Variants in MPZ observed in about 807,000 individuals in gnomAD.
MPZ encodes myelin protein zero.
In MPZ, 13 loss-of-function variants were observed where a neutral mutation model predicts 27.9. That is an observed-to-expected ratio of 0.47 (90% CI 0.30 to 0.74). The LOEUF (loss-of-function observed/expected upper bound fraction) is 0.74, where lower values mean the gene tolerates loss of function less well. Among genes scored for constraint, MPZ ranks in the 30% least tolerant of loss-of-function variants. The probability of loss-of-function intolerance (pLI) is 0.06; values close to 1 mark genes in which losing one functional copy is unlikely to be tolerated. For missense variants in MPZ, 256 were observed against 317.5 expected (o/e 0.81, Z 1.47); for synonymous variants, 118 against 128.9 (o/e 0.92, Z 0.57).
chr1:161,304,479 A>T (rs1318182593), downstream of MPZ, among the ~76,000 whole-genome samples: 1 of 152,226 alleles, frequency 6.6e-6, no homozygotes, highest in Non-Finnish European at 1.5e-5. Flanking sequence ...GATCTTGGTG[A>T]AGACAGATTC....
intron 3 of MPZ, 68 bp downstream of exon 3, chr1:161,306,640 A>G (rs779472159): frequency 6.3e-6 from 10 of 1,575,156 alleles, no homozygotes; most frequent in Non-Finnish European, 8.7e-6. Context: ...TCTTCCCCCA[A>G]CCTATCAGTC....
At position 161,306,141 on chromosome 1, in the gene MPZ, C is replaced by G. The variant is rs1670234637; in HGVS notation, c.612G>C (p.Lys204Asn). ...CGCGCTTCGACGCGTCCTTTCCTGG[C>G]TTGTGCAATTTCCCCTTCTCCATAG... ...LSAMEKGKLH[K>N]PGKDASKRGR... Residue 204 changes from lysine (K) to asparagine (N), a missense_variant, in exon 5 of 6, where the codon AAG (lysine) becomes AAC (asparagine). By Grantham distance (94) the Lys-to-Asn change is moderately conservative. Around this residue, in one of 2 missense-constraint regions of MPZ, gnomAD observed 101 missense variants for 93.6 expected, o/e 1.08. Coordinates refer to ENST00000533357, the MANE Select transcript of MPZ (RefSeq NM_000530.8). 6.2e-7 allele frequency: 1 copy of G among 1,614,246 alleles called. No individual in the cohort carries two copies. The highest frequency in any genetic ancestry group is 8.5e-7 in the Non-Finnish European group (1 of 1,180,048).
At position 161,305,484 on chromosome 1, in the gene MPZ, T is replaced by A; in HGVS notation, c.*392A>T. ...GGGGCAGGTGAGGGGTAGGATTAGC[T>A]CCTGGGCTCCCAGAAAGCCAGGGGT... On this transcript the variant is annotated 3_prime_UTR_variant, in exon 6 of 6. Coordinates refer to ENST00000533357, the MANE Select transcript of MPZ (RefSeq NM_000530.8). The A allele has an allele frequency of 4.3e-6, 1 of 231,848 alleles. No homozygotes were observed. Among genetic ancestry groups the A allele is most frequent in the Non-Finnish European group, 8.6e-6 (1 of 115,720 alleles). The allele number at this position is 231,848 out of a possible 1,614,324, so 14.4% of individuals were successfully genotyped here.
chr1:161,307,018 A>AAAAAAAAC, intron 2 of MPZ, 97 bp from the exon 3 acceptor site: 1 of 690,742 alleles, frequency 1.4e-6, no homozygotes, highest in East Asian at 3.2e-5. Flanking sequence ...AAAAAGCAAA[A>AAAAAAAAC]AAAAAAAAAA....
In MPZ at chr1:161,305,750, C is replaced by G. The variant is rs1003036138; in HGVS notation, c.*126G>C. The G allele has an allele frequency of 2.9e-6, 2 of 696,392 alleles. No homozygotes were observed. Among genetic ancestry groups the G allele is most frequent in the African/African-American group, 3.6e-5 (2 of 55,628 alleles). 43.1% of individuals were successfully genotyped at this position (696,392 alleles called of 1,614,324 possible). On this transcript the variant is annotated 3_prime_UTR_variant, in exon 6 of 6. Transcript: ENST00000533357. ...TTTTGAGGCTGGTTCTGCTGGGGGA[C>G]TTGACAGCAGGCCGGAGCTCCGGGC...
chr1:161,306,595 G>A, intron 3 of MPZ, 113 bp downstream of exon 3: 3 of 1,541,852 alleles, frequency 1.9e-6, no homozygotes, highest in South Asian at 1.1e-5. Flanking sequence ...CGCTCCCAGA[G>A]CCTGAATAAA....
At chr1:161,307,163 A>G (rs1670279899) in intron 2 of MPZ, 95 bp downstream of exon 2, 3 of 1,521,964 alleles carry the variant, frequency 2.0e-6, no homozygotes, top group East Asian at 2.4e-5. Flanking sequence ...TTATGGCTCA[A>G]AAAGGATTTC....
intron 5 of MPZ, 25 bp from the exon 6 acceptor site, chr1:161,306,002 T>C: frequency 6.2e-7 from 1 of 1,611,262 alleles, no homozygotes; most frequent in Non-Finnish European, 8.5e-7. Context: ...CACACATCAG[T>C]CACCGAGCGA....
intron 1 of MPZ, 97 bp from the exon 2 acceptor site, chr1:161,307,521 T>A (rs539232176): frequency 7.1e-7 from 1 of 1,401,144 alleles, no homozygotes; most frequent in African/African-American, 1.4e-5. Context: ...GAGTCACAGG[T>A]CAGAGGCCAA....
At position 161,307,579 on chromosome 1, in the gene MPZ, A is replaced by G. The variant is rs1670294899; in HGVS notation, c.68-155T>C. On this transcript the variant is annotated intron_variant, in intron 1 of 5. Transcript: ENST00000533357. ...CTGAGCCCCAAGTCTCTGGGGACTA[A>G]CTGAACAGATGAGCATAAATGCTGT... 4 of 723,880 alleles carry G rather than the reference A, an allele frequency of 5.5e-6. No individual in the cohort carries two copies. In the South Asian group the frequency reaches 6.8e-5, roughly 12 times the overall value. The allele number at this position is 723,880 out of a possible 1,614,324, so 44.8% of individuals were successfully genotyped here. A position where few individuals can be genotyped will look rare whatever the true frequency, so the allele number is the denominator to read the frequency against.
chr1:161,306,856 C>T lies in MPZ; in HGVS notation c.300G>A (p.Gln100=), dbSNP rs748929263. The T allele has an allele frequency of 6.2e-7, 1 of 1,613,888 alleles. No individual in the cohort carries two copies. Among genetic ancestry groups the T allele is most frequent in the African/African-American group, 1.3e-5 (1 of 74,860 alleles). Residue 100 remains glutamine (Q), a synonymous_variant, in exon 3 of 6, where the codon CAG becomes CAA. Transcript: ENST00000533357. ...DEVGTFKERI[Q]WVGDPRWKDG... The stretch of plus-strand genomic sequence containing the variant: ...CCTTCCAGCGAGGGTCCCCTACCCA[C>T]TGGATGCGCTCTTTGAAGGTCCCCA...
In MPZ at chr1:161,309,885, TGAG is replaced by T; in HGVS notation, c.18_20del (p.Ser9del). On this transcript the variant is annotated inframe_deletion, in exon 1 of 6. Coordinates refer to ENST00000533357, the MANE Select transcript of MPZ (RefSeq NM_000530.8). ...CAGCCAGGATAGGGCTGGGGCTGGA[TGAG>T]GGAGCCCCAGGAGCCATAGCTGGGG... 1 of 1,589,370 alleles carries T rather than the reference TGAG, an allele frequency of 6.3e-7. No individual in the cohort carries two copies. Among genetic ancestry groups the T allele is most frequent in the Non-Finnish European group, 8.6e-7 (1 of 1,169,138 alleles).
intron 1 of MPZ, among the ~76,000 whole-genome samples, chr1:161,308,319 A>G (rs538434187): frequency 5.9e-5 from 9 of 152,270 alleles, no homozygotes; most frequent in African/African-American, 2.2e-4. Flanking sequence ...TACAGCTCAG[A>G]TGACCCTACA....
Position 161,305,630 on chromosome 1 carries a change from A to T in MPZ, c.*246T>A. The T allele has an allele frequency of 1.8e-6, 1 of 547,496 alleles. No individual in the cohort carries two copies. Among genetic ancestry groups the T allele is most frequent in the East Asian group, 3.1e-5 (1 of 32,606 alleles). 33.9% of individuals were successfully genotyped at this position (547,496 alleles called of 1,614,324 possible). On this transcript the variant is annotated 3_prime_UTR_variant, in exon 6 of 6. Coordinates refer to ENST00000533357, the MANE Select transcript of MPZ (RefSeq NM_000530.8). ...AGAGGGAAAGCACCTAGACGGGGGTAAGAGGAGCCTAGGTCCCCCTGCTCT... is the reference window on the plus strand; with the variant it reads ...AGAGGGAAAGCACCTAGACGGGGGTTAGAGGAGCCTAGGTCCCCCTGCTCT...
At position 161,305,624 on chromosome 1, in the gene MPZ, G is replaced by C; in HGVS notation, c.*252C>G. The C allele has an allele frequency of 5.5e-6, 3 of 542,854 alleles. No homozygotes were observed. The highest frequency in any genetic ancestry group is 6.5e-6 in the Non-Finnish European group (2 of 306,586). The allele number at this position is 542,854 out of a possible 1,614,324, so 33.6% of individuals were successfully genotyped here. A position where few individuals can be genotyped will look rare whatever the true frequency, so the allele number is the denominator to read the frequency against. ...GAGCAAAGAGGGAAAGCACCTAGAC[G>C]GGGGTAAGAGGAGCCTAGGTCCCCC... On this transcript the variant is annotated 3_prime_UTR_variant, in exon 6 of 6. Transcript: ENST00000533357.
Position 161,306,421 on chromosome 1 carries a change from A to G in MPZ, c.492T>C (p.Gly164=). ...GCAGCAACAGCACCACCCCGAGGACACCCCCGATCACAGCTCCCAGAACGA... is the reference window on the plus strand; with the variant it reads ...GCAGCAACAGCACCACCCCGAGGACGCCCCCGATCACAGCTCCCAGAACGA... ...YGVVLGAVIG[G]VLGVVLLLLL... is the part of the protein sequence containing the mutation. The change falls in exon 4 of 6, where the codon GGT becomes GGC. Residue 164 remains glycine (G), a synonymous_variant. Transcript: ENST00000533357. 1 of 1,613,950 alleles carries G rather than the reference A, an allele frequency of 6.2e-7. No homozygotes were observed. Among genetic ancestry groups the G allele is most frequent in the Non-Finnish European group, 8.5e-7 (1 of 1,179,978 alleles).
At chr1:161,309,552 A>ATATATTTTTTTTTTTT in intron 1 of MPZ, among the ~76,000 whole-genome samples, 79 of 80,616 alleles carry the variant, frequency 9.8e-4, no homozygotes, top group African/African-American at 2.5e-3. Flanking sequence ...ATATATATAT[A>ATATATTTTTTTTTTTT]TTTTTTTTTT....
rs1364512526 is a variant in MPZ at position 161,306,182 on chromosome 1, G to C, written c.585-14C>G. On this transcript the variant is annotated splice_polypyrimidine_tract_variant and intron_variant, in intron 4 of 5. Transcript: ENST00000533357. ...TTCTCCATAGCACTGCAAGAAGAGA[G>C]ACTGCTGTACGTTTGGCCTCGCCGG... 1.9e-6 allele frequency: 3 copies of C among 1,614,034 alleles called. No individual in the cohort carries two copies. The Admixed American group carries it at 5.0e-5, about 27-fold the overall frequency.
Position 161,306,217 on chromosome 1 carries a change from C to T in MPZ, c.585-49G>A, listed in dbSNP as rs766858789. 7.4e-6 allele frequency: 12 copies of T among 1,612,178 alleles called. No homozygotes were observed. The South Asian group carries it at 1.3e-4, about 18-fold the overall frequency. On this transcript the variant is annotated intron_variant, in intron 4 of 5. Transcript: ENST00000533357. Reference sequence around the variant, plus strand: ...CGTTTGGCCTCGCCGGAACCCCTTGCACCGCGGACACAGCTTCCTCTTCCC... The same window carrying T: ...CGTTTGGCCTCGCCGGAACCCCTTGTACCGCGGACACAGCTTCCTCTTCCC...
Sources: allele counts gnomAD v4.1 joint callset (sites outside exome capture counted in the v4.1 genomes callset), GRCh38; gene constraint gnomAD v4.1.1; regional missense constraint gnomAD v4.1.1; transcripts MANE v1.5; gene names NCBI Gene and HGNC (gene_info 2026-07-23, HGNC 2026-07-21).